The following CACNA1A variants were observed in gnomAD, a reference collection of about 807,000 sequenced individuals.
CACNA1A encodes the protein voltage-dependent P/Q-type calcium channel subunit alpha-1A.
Under a neutral mutation model 262.4 loss-of-function variants are expected in CACNA1A, and 57 were observed. That is an observed-to-expected ratio of 0.22 (90% CI 0.18 to 0.27). The LOEUF (loss-of-function observed/expected upper bound fraction) is 0.27. Ranked by LOEUF, CACNA1A falls within the 10% of genes least tolerant of loss-of-function variation. The pLI, the probability that CACNA1A is intolerant of heterozygous loss-of-function variation, is 1.00. For missense variants in CACNA1A, 2,526 were observed against 3,562.8 expected (o/e 0.71, Z 7.41); for synonymous variants, 1,431 against 1,419.3 (o/e 1.01, Z -0.18).
chr19:13,336,592 A>AGG (rs1340777264), intron 6 of CACNA1A, among the ~76,000 whole-genome samples: 14 of 92,880 alleles, frequency 1.5e-4, no homozygotes, highest in East Asian at 4.6e-4. Flanking sequence ...AGAGAGAGAG[A>AGG]GGGAGAGAGA....
At chr19:13,359,332 T>C (rs754284848) in intron 6 of CACNA1A, among the ~76,000 whole-genome samples, 5 of 152,198 alleles carry the variant, frequency 3.3e-5, no homozygotes, top group Non-Finnish European at 7.3e-5. Flanking sequence ...TATTCAAAAA[T>C]CTAAAATTAT....
intron 3 of CACNA1A, among the ~76,000 whole-genome samples, chr19:13,448,072 G>A (rs531386876): frequency 2.6e-4 from 36 of 140,330 alleles, no homozygotes; most frequent in African/African-American, 9.3e-4. Context: ...TCCCATAACC[G>A]TGTTATTATG....
In CACNA1A at chr19:13,207,959, G is replaced by A. The variant is rs2054630221; in HGVS notation, c.6875C>T (p.Thr2292Ile). 2 of 1,363,010 alleles carry A rather than the reference G, an allele frequency of 1.5e-6. No individual in the cohort carries two copies. The highest frequency in any genetic ancestry group is 9.4e-7 in the Non-Finnish European group (1 of 1,062,004). The allele number at this position is 1,363,010 out of a possible 1,614,324, so 84.4% of individuals were successfully genotyped here. Residue 2292 changes from threonine (T) to isoleucine (I), a missense_variant, in exon 47 of 47, where the codon ACC becomes ATC. This residue lies in a region of CACNA1A where 929 missense variants were observed against 868.1 expected (regional missense o/e 1.07). Transcript: ENST00000360228. The surrounding 1 kb of genome is among the most constrained non-coding windows in gnomAD (Gnocchi z 5.7). ...GRRQLPQTPS[T>I]PRPHVSYSPV... The stretch of plus-strand genomic sequence containing the variant: ...GGAATAGGACACGTGTGGCCGGGGG[G>A]TGGAGGGGGTCTGGGGGAGCTGGCG...
chr19:13,231,364 A>C (rs1370076725), intron 35 of CACNA1A, among the ~76,000 whole-genome samples: 2 of 151,072 alleles, frequency 1.3e-5, no homozygotes, highest in African/African-American at 4.9e-5. Context: ...CCCACTCCCA[A>C]CCCCACCCCC....
At chr19:13,481,045 T>C (rs1196027691) in intron 1 of CACNA1A, among the ~76,000 whole-genome samples, 1 of 152,186 alleles carries the variant, frequency 6.6e-6, no homozygotes, top group Non-Finnish European at 1.5e-5. Flanking sequence ...TCTCTCTGTT[T>C]CGGTTTTCTC....
In CACNA1A at chr19:13,332,789, C is replaced by T. The variant is rs976665925; in HGVS notation, c.1255+80G>A. 14 of 882,414 alleles carry T rather than the reference C, an allele frequency of 1.6e-5. No individual in the cohort carries two copies. In the East Asian group the frequency reaches 1.8e-4, roughly 11 times the overall value. 54.7% of individuals were successfully genotyped at this position (882,414 alleles called of 1,614,324 possible). ...TCTGCAAGATCCTTAGAACCAGTCA[C>T]CTGCTCTCCCCCGACTCCCCACCAC... On this transcript the variant is annotated intron_variant, in intron 9 of 46. Transcript: ENST00000360228.
intron 19 of CACNA1A, among the ~76,000 whole-genome samples, chr19:13,288,259 A>T (rs2057453540): frequency 6.8e-6 from 1 of 147,448 alleles, no homozygotes. Flanking sequence ...TTTTTAACTG[A>T]GACAGAGCCT....
intron 3 of CACNA1A, among the ~76,000 whole-genome samples, chr19:13,437,182 G>GAC (rs1031746763): frequency 2.6e-5 from 4 of 152,190 alleles, no homozygotes; most frequent in Admixed American, 2.6e-4. Context: ...TTTGACAGTG[G>GAC]ACAGAAGGAA....
chr19:13,486,430 C>T (rs1039110810), intron 1 of CACNA1A, among the ~76,000 whole-genome samples: 4 of 151,472 alleles, frequency 2.6e-5, no homozygotes, highest in African/African-American at 7.3e-5. Context: ...TACACACACA[C>T]GTCAGTTAAA....
chr19:13,296,348 T>C (rs1396677279), intron 19 of CACNA1A, among the ~76,000 whole-genome samples: 1 of 152,194 alleles, frequency 6.6e-6, no homozygotes, highest in Non-Finnish European at 1.5e-5. Flanking sequence ...GCCCTGATGG[T>C]AATATAAAAG....
intron 35 of CACNA1A, among the ~76,000 whole-genome samples, chr19:13,230,461 G>C (rs917270015): frequency 6.6e-6 from 1 of 152,034 alleles, no homozygotes; most frequent in African/African-American, 2.4e-5. Context: ...GTGGAGAGAT[G>C]GGGAAGAGGA....
At chr19:13,423,124 C>T (rs1005241310) in intron 3 of CACNA1A, among the ~76,000 whole-genome samples, 7 of 152,182 alleles carry the variant, frequency 4.6e-5, no homozygotes, top group African/African-American at 1.4e-4. Flanking sequence ...AGTTGCATCT[C>T]AAGAGAAAAG....
At chr19:13,324,997 CTTAT>C (rs1328036977) in intron 10 of CACNA1A, among the ~76,000 whole-genome samples, 5 of 145,638 alleles carry the variant, frequency 3.4e-5, no homozygotes, top group African/African-American at 7.5e-5. Context: ...CCACATTTTA[CTTAT>C]TTATCATTGT....
Position 13,207,937 on chromosome 19 carries a change from A to G in CACNA1A, c.6897T>C (p.Tyr2299=). 7.3e-7 allele frequency: 1 copy of G among 1,361,442 alleles called. No homozygotes were observed. Among genetic ancestry groups the G allele is most frequent in the East Asian group, 3.5e-5 (1 of 28,652 alleles). 84.3% of individuals were successfully genotyped at this position (1,361,442 alleles called of 1,614,324 possible). ...CGCCGGCCTTACGGATCACAGGGGA[A>G]TAGGACACGTGTGGCCGGGGGGTGG... The part of the protein sequence containing the change: ...TPSTPRPHVS[Y]SPVIRKAGGS... The change falls in exon 47 of 47, where the codon TAT becomes TAC. Residue 2299 remains tyrosine (Y), a synonymous_variant. Transcript: ENST00000360228. This position sits in a 1 kb window ranked among gnomAD's most constrained non-coding sequence, Gnocchi z 5.7.
intron 31 of CACNA1A, chr19:13,244,212 G>GCCACCCTTGTGGGTACCCTTC: frequency 6.6e-6 from 1 of 152,126 alleles, no homozygotes; most frequent in Non-Finnish European, 1.5e-5. Context: ...TGGACACCTT[G>GCCACCCTTGTGGGTACCCTTC]CCACCCTTGT....
intron 6 of CACNA1A, among the ~76,000 whole-genome samples, chr19:13,337,514 G>A (rs763437096): frequency 6.6e-5 from 10 of 152,042 alleles, no homozygotes; most frequent in Non-Finnish European, 1.5e-4. Flanking sequence ...TGCTATGGTT[G>A]GTGCAAAAAT....
chr19:13,227,242 T>G (rs1214625942), intron 37 of CACNA1A, 189 bp downstream of exon 37: 1 of 374,406 alleles, frequency 2.7e-6, no homozygotes, highest in African/African-American at 2.1e-5. Flanking sequence ...AGTGTGCTGC[T>G]TAGAATCAAG....
At chr19:13,439,359 C>T (rs1340100638) in intron 3 of CACNA1A, among the ~76,000 whole-genome samples, 1 of 150,346 alleles carries the variant, frequency 6.7e-6, no homozygotes, top group Non-Finnish European at 1.5e-5. Context: ...TCGTTGCCCT[C>T]AAATCTTTGT....
intron 21 of CACNA1A, chr19:13,284,177 C>T (rs954703538): frequency 1.3e-5 from 2 of 152,328 alleles, no homozygotes; most frequent in East Asian, 1.9e-4. Flanking sequence ...GGTGAATTCA[C>T]GTCTCTGGAC....
Sources: gnomAD v4.1 joint callset for allele counts (sites outside exome capture counted in the v4.1 genomes callset) on GRCh38, gnomAD v4.1.1 for gene constraint, gnomAD v4.1.1 regional missense constraint, Gnocchi (gnomAD v3.1) non-coding constraint, MANE v1.5 for transcripts, NCBI Gene and HGNC (gene_info 2026-07-23, HGNC 2026-07-21) for gene names.